Variants in SNTG1 observed in about 807,000 individuals in gnomAD.
SNTG1 encodes the protein gamma-1-syntrophin.
A neutral mutation model predicts 74.7 loss-of-function variants in SNTG1; 39 were observed. That is an observed-to-expected ratio of 0.52 (90% CI 0.40 to 0.68). The LOEUF (loss-of-function observed/expected upper bound fraction) is 0.68, where lower values mean the gene tolerates loss of function less well. Ranked by LOEUF, SNTG1 falls within the 30% of genes least tolerant of loss-of-function variation. The probability of loss-of-function intolerance (pLI) is 0.00; values close to 1 mark genes in which losing one functional copy is unlikely to be tolerated. For synonymous variants in SNTG1, 254 were observed against 217.1 expected (o/e 1.17, Z -1.49); for missense variants, 685 against 609.5 (o/e 1.12, Z -1.30).
chr8:50,078,164 C>G (rs1822071747), intron 1 of SNTG1, among the ~76,000 whole-genome samples: 1 of 152,212 alleles, frequency 6.6e-6, no homozygotes, highest in Non-Finnish European at 1.5e-5. Flanking sequence ...GAATACAACA[C>G]TATCTTGATT....
intron 2 of SNTG1, among the ~76,000 whole-genome samples, chr8:50,289,829 G>T (rs1327896876): frequency 6.6e-6 from 1 of 152,158 alleles, no homozygotes; most frequent in Non-Finnish European, 1.5e-5. Flanking sequence ...AGGAAAAACT[G>T]CAGAGTTGCT....
At chr8:50,737,168 T>C (rs1264536435) in intron 17 of SNTG1, among the ~76,000 whole-genome samples, 1 of 151,700 alleles carries the variant, frequency 6.6e-6, no homozygotes, top group African/African-American at 2.4e-5. Context: ...CTAGCCGGAC[T>C]AATAAAGAAG....
chr8:49,951,981 C>G (rs112920868), intron 1 of SNTG1, among the ~76,000 whole-genome samples: 129 of 150,248 alleles, frequency 8.6e-4, no homozygotes, highest in African/African-American at 3.0e-3. Flanking sequence ...AATATATCAC[C>G]CAGAACTACT....
intron 1 of SNTG1, among the ~76,000 whole-genome samples, chr8:50,169,240 C>T (rs927100387): frequency 6.6e-6 from 1 of 152,172 alleles, no homozygotes; most frequent in African/African-American, 2.4e-5. Flanking sequence ...CATCATAGGG[C>T]ACACAGATGG....
At chr8:50,333,687 C>T (rs544283017) in intron 2 of SNTG1, among the ~76,000 whole-genome samples, 10 of 152,166 alleles carry the variant, frequency 6.6e-5, no homozygotes, top group Non-Finnish European at 1.2e-4. Context: ...ATGAGAATGG[C>T]GTTATCAGAG....
intron 2 of SNTG1, among the ~76,000 whole-genome samples, chr8:50,191,287 A>T (rs139189842): frequency 6.6e-5 from 10 of 152,260 alleles, no homozygotes; most frequent in African/African-American, 2.4e-4. Context: ...ATTGTAACAG[A>T]TATTTTATCC....
At chr8:50,214,109 G>A (rs1302191249) in intron 2 of SNTG1, among the ~76,000 whole-genome samples, 1 of 151,584 alleles carries the variant, frequency 6.6e-6, no homozygotes, top group East Asian at 1.9e-4. Context: ...TCCTTTGTAG[G>A]GACATGGATG....
At chr8:50,421,302 G>T (rs561662632) in intron 4 of SNTG1, among the ~76,000 whole-genome samples, 3 of 152,076 alleles carry the variant, frequency 2.0e-5, no homozygotes, top group African/African-American at 7.2e-5. Flanking sequence ...GCTGCTAGTG[G>T]CCCATATTTA....
At chr8:50,064,001 T>C (rs915877558) in intron 1 of SNTG1, among the ~76,000 whole-genome samples, 2 of 152,210 alleles carry the variant, frequency 1.3e-5, no homozygotes, top group Non-Finnish European at 2.9e-5. Context: ...ACTAATTGCA[T>C]AACTCTGGGA....
At chr8:50,276,403 A>ATG (rs1286932544) in intron 2 of SNTG1, among the ~76,000 whole-genome samples, 2 of 142,614 alleles carry the variant, frequency 1.4e-5, no homozygotes, top group Non-Finnish European at 3.1e-5. Flanking sequence ...ATATATATAT[A>ATG]TATATAAATC....
At chr8:50,384,162 C>T (rs560984346) in intron 2 of SNTG1, among the ~76,000 whole-genome samples, 1 of 152,214 alleles carries the variant, frequency 6.6e-6, no homozygotes, top group African/African-American at 2.4e-5. Flanking sequence ...TTGACTCAGC[C>T]CTGCAAGAAA....
chr8:49,919,893 C>T (rs1178189397), intron 1 of SNTG1, among the ~76,000 whole-genome samples: 3 of 152,044 alleles, frequency 2.0e-5, no homozygotes, highest in South Asian at 2.1e-4. Context: ...GATTAATCTA[C>T]TTGTGTACAT....
intron 2 of SNTG1, among the ~76,000 whole-genome samples, chr8:50,371,384 T>C (rs2131151651): frequency 6.6e-6 from 1 of 152,278 alleles, no homozygotes; most frequent in Admixed American, 6.5e-5. Context: ...CAAATTCCCA[T>C]GGACCCCATT....
chr8:50,692,933 A>G (rs2095388289), intron 15 of SNTG1, among the ~76,000 whole-genome samples: 1 of 152,018 alleles, frequency 6.6e-6, no homozygotes, highest in Admixed American at 6.6e-5. Flanking sequence ...CATTTACCTA[A>G]TCAAACTAAC....
chr8:50,587,815 A>G (rs894999934), intron 12 of SNTG1, among the ~76,000 whole-genome samples: 1 of 150,540 alleles, frequency 6.6e-6, no homozygotes, highest in Admixed American at 6.6e-5. Flanking sequence ...AAAAGAAAAG[A>G]AAAAGAAAAA....
chr8:50,698,700 T>C lies in SNTG1; in HGVS notation c.1039-5900T>C, dbSNP rs978534705. ...CAAAGAGCTAGGATCAAGAATGGTG[T>C]TCTGTTGTAGGTTCCAAGGTCTCGG... On this transcript the variant is annotated intron_variant, in intron 15 of 18. Coordinates refer to ENST00000642720, the MANE Select transcript of SNTG1 (RefSeq NM_018967.5). Among the ~76,000 whole-genome samples the C allele has an allele frequency of 3.9e-5, 6 of 152,274 alleles. No homozygotes were observed. The East Asian group carries it at 9.7e-4, about 25-fold the overall frequency.
At chr8:50,455,343 A>T (rs1468014886) in intron 8 of SNTG1, among the ~76,000 whole-genome samples, 1 of 152,184 alleles carries the variant, frequency 6.6e-6, no homozygotes, top group Admixed American at 6.5e-5. Context: ...CAAAAAAAAT[A>T]TGTTCATCTG....
At chr8:50,041,783 C>G (rs1468726671) in intron 1 of SNTG1, among the ~76,000 whole-genome samples, 1 of 152,160 alleles carries the variant, frequency 6.6e-6, no homozygotes, top group Non-Finnish European at 1.5e-5. Context: ...AATCTAGACT[C>G]TATGAATTGA....
chr8:50,668,949 A>G (rs180892273), intron 15 of SNTG1, among the ~76,000 whole-genome samples: 2 of 152,212 alleles, frequency 1.3e-5, no homozygotes, highest in East Asian at 1.9e-4. Context: ...ATACGTGTGC[A>G]TGTGTCTTTA....
Sources: gnomAD v4.1 joint callset for allele counts (sites outside exome capture counted in the v4.1 genomes callset) on GRCh38, gnomAD v4.1.1 for gene constraint, MANE v1.5 for transcripts, NCBI Gene and HGNC (gene_info 2026-07-23, HGNC 2026-07-21) for gene names.